The following PCGF3 variants were observed in gnomAD, a reference collection of about 807,000 sequenced individuals.
PCGF3 encodes polycomb group RING finger protein 3.
Under a neutral mutation model 33.1 loss-of-function variants are expected in PCGF3, and 7 were observed. The observed-to-expected ratio is 0.21, with a 90% CI of 0.12 to 0.40. PCGF3 has a LOEUF of 0.40. PCGF3 is among the 10% of genes least tolerant of loss of function. The pLI is 1.00. For missense variants in PCGF3, 211 were observed against 313.3 expected, an observed-to-expected ratio of 0.67 and a Z score of 2.46; for synonymous variants, 153 against 121.3, an observed-to-expected ratio of 1.26 and a Z score of -1.72.
intron 9 of PCGF3, chr4:762,515 A>T (rs755878453): frequency 6.6e-6 from 1 of 152,328 alleles, no homozygotes; most frequent in Non-Finnish European, 1.5e-5. Context: ...GCCCTGCCCC[A>T]TGCACGGATT....
At chr4:757,600 G>A (rs34703682) in intron 8 of PCGF3, 32,920 of 152,128 alleles carry the variant, frequency 0.22, 3,668 homozygotes, top group African/African-American at 0.26. Flanking sequence ...TGTTTACAAC[G>A]TAGAGCTAGG....
exon 11 of PCGF3, chr4:769,291 GT>G (rs746380944): frequency 2.9e-4 from 44 of 152,838 alleles, no homozygotes; most frequent in Non-Finnish European, 2.1e-4. Context: ...ACAGAACAGT[GT>G]TCACAGCGAT....
intron 1 of PCGF3, among the ~76,000 whole-genome samples, chr4:707,806 G>C (rs1742390059): frequency 7.6e-6 from 1 of 131,690 alleles, no homozygotes; most frequent in Admixed American, 7.3e-5. Context: ...TTCCCCTGGG[G>C]GCCGGGACCC....
At chr4:719,596 G>T (rs1264603689) in intron 1 of PCGF3, among the ~76,000 whole-genome samples, 2 of 152,282 alleles carry the variant, frequency 1.3e-5, no homozygotes, top group Non-Finnish European at 2.9e-5. Context: ...CAGGGAACAG[G>T]AGCGAGGCGT....
intron 1 of PCGF3, among the ~76,000 whole-genome samples, chr4:710,800 C>CAGCTT (rs1355540422): frequency 1.3e-5 from 2 of 152,246 alleles, no homozygotes; most frequent in African/African-American, 4.8e-5. Context: ...TCCTTCCCAA[C>CAGCTT]AGCTTCAAGT....
intron 8 of PCGF3, among the ~76,000 whole-genome samples, chr4:751,456 G>A (rs746906635): frequency 1.3e-5 from 2 of 152,132 alleles, no homozygotes; most frequent in African/African-American, 2.4e-5. Flanking sequence ...ACGTCCGCAC[G>A]TCACTTCTGA....
At chr4:744,780 G>C in intron 8 of PCGF3, 92 bp downstream of exon 8, 1 of 193,698 alleles carries the variant, frequency 5.2e-6, no homozygotes, top group Non-Finnish European at 9.6e-6. Flanking sequence ...CAGTGTTAGT[G>C]TTCGCCGTGG....
At chr4:766,383 A>G (rs1040316041) in exon 11 of PCGF3, 2 of 286,194 alleles carry the variant, frequency 7.0e-6, no homozygotes, top group Non-Finnish European at 1.3e-5. Flanking sequence ...TTCTGACACG[A>G]GCTCCCTCTG....
chr4:764,083 ATGC>A (rs1745222565), intron 9 of PCGF3, among the ~76,000 whole-genome samples: 1 of 152,004 alleles, frequency 6.6e-6, no homozygotes, highest in South Asian at 2.1e-4. Context: ...CTGGGCGGCG[ATGC>A]TGCTGTTTGT....
intron 8 of PCGF3, among the ~76,000 whole-genome samples, chr4:751,391 G>A (rs989350349): frequency 6.6e-6 from 1 of 152,090 alleles, no homozygotes; most frequent in Non-Finnish European, 1.5e-5. Flanking sequence ...GAGGTTGCAT[G>A]GGTTTTGTGG....
At chr4:726,903 T>C (rs1280415570) in intron 1 of PCGF3, among the ~76,000 whole-genome samples, 1 of 152,218 alleles carries the variant, frequency 6.6e-6, no homozygotes, top group East Asian at 1.9e-4. Context: ...CAGGCCTCCC[T>C]CAGGTCCCTC....
intron 8 of PCGF3, among the ~76,000 whole-genome samples, chr4:754,319 C>T (rs946923390): frequency 4.6e-5 from 7 of 152,354 alleles, no homozygotes; most frequent in East Asian, 1.9e-4. Flanking sequence ...GGCTCCTGTC[C>T]GCACCCTCGG....
At chr4:714,819 AG>A (rs1483193374) in intron 1 of PCGF3, among the ~76,000 whole-genome samples, 1 of 152,232 alleles carries the variant, frequency 6.6e-6, no homozygotes, top group East Asian at 1.9e-4. Context: ...CCCGATTTTG[AG>A]GTAGCTTATT....
At chr4:770,061 C>A (rs567430437) in exon 11 of PCGF3, 4 of 152,404 alleles carry the variant, frequency 2.6e-5, no homozygotes, top group Non-Finnish European at 4.4e-5. Context: ...ATATTATATG[C>A]TTGTAATAAA....
chr4:717,552 G>T (rs573246176), intron 1 of PCGF3, among the ~76,000 whole-genome samples: 2 of 152,138 alleles, frequency 1.3e-5, no homozygotes, highest in African/African-American at 4.8e-5. Context: ...GCTAATTTTT[G>T]TATTTATATT....
intron 6 of PCGF3, among the ~76,000 whole-genome samples, chr4:738,538 G>A (rs548021427): frequency 1.3e-5 from 2 of 149,428 alleles, no homozygotes; most frequent in South Asian, 2.2e-4. Context: ...TGTGACCCCC[G>A]CCAGTGCTGA....
chr4:766,413 A>C (rs1745376206), exon 11 of PCGF3: 1 of 229,564 alleles, frequency 4.4e-6, no homozygotes, highest in African/African-American at 2.3e-5. Flanking sequence ...CAGGTCTTGA[A>C]AATCTGAATT....
chr4:743,606 C>G, intron 7 of PCGF3, 22 bp downstream of exon 7: 1 of 1,406,182 alleles, frequency 7.1e-7, no homozygotes, highest in South Asian at 1.2e-5. Flanking sequence ...GCGTGCCCAT[C>G]CAGAAGCCCC....
At chr4:726,403 A>C (rs2109573479) in intron 1 of PCGF3, among the ~76,000 whole-genome samples, 1 of 152,324 alleles carries the variant, frequency 6.6e-6, no homozygotes, top group East Asian at 1.9e-4. Context: ...ACCCGCTCAC[A>C]CAGCCCACGG....
Sources: gnomAD v4.1 joint callset for allele counts (sites outside exome capture counted in the v4.1 genomes callset) on GRCh38, gnomAD v4.1.1 for gene constraint, MANE v1.5 for transcripts, NCBI Gene and HGNC (gene_info 2026-07-23, HGNC 2026-07-21) for gene names.